KIAA1217: variants seen among roughly 807,000 people sequenced by gnomAD.
KIAA1217 encodes KIAA1217.
A neutral mutation model predicts 163.9 loss-of-function variants in KIAA1217; 88 were observed. The observed-to-expected ratio is 0.54, with a 90% CI of 0.45 to 0.64. The LOEUF is 0.64. Ranked by LOEUF, KIAA1217 falls within the 30% of genes least tolerant of loss-of-function variation. The pLI is 0.00. For missense variants in KIAA1217, 2,372 were observed against 2,475.0 expected (o/e 0.96, Z 0.88); for synonymous variants, 903 against 923.1 (o/e 0.98, Z 0.39).
intron 2 of KIAA1217, among the ~76,000 whole-genome samples, chr10:24,035,972 G>A (rs968131754): frequency 1.1e-4 from 16 of 152,214 alleles, no homozygotes; most frequent in African/African-American, 3.6e-4. Flanking sequence ...AACCACTGGT[G>A]TCAAATCCTG....
intron 2 of KIAA1217, among the ~76,000 whole-genome samples, chr10:24,258,393 A>G (rs1241001861): frequency 3.3e-5 from 5 of 152,094 alleles, no homozygotes; most frequent in Non-Finnish European, 7.4e-5. Context: ...ATCTGAGGCT[A>G]ATAGTTGGAG....
rs370059166 is a variant in KIAA1217, at chr10:24,223,254, C to T, written c.354+3345C>T. ...TAAGATGGAGTTGCTCTGGTTCAAA[C>T]GCCCCTAACACTGTCATTGCCCTTC... On this transcript the variant is annotated intron_variant, in intron 2 of 20. Transcript: ENST00000376454. 7.8e-4 allele frequency among the ~76,000 whole-genome samples: 119 copies of T among 152,316 alleles called. 1 individual carries two copies. The South Asian group carries it at 0.014, about 18-fold the overall frequency.
chr10:24,542,879 T>C lies in KIAA1217; in HGVS notation c.3613-4T>C. 1 of 1,609,832 alleles carries C rather than the reference T, an allele frequency of 6.2e-7. No individual in the cohort carries two copies. Among genetic ancestry groups the C allele is most frequent in the Non-Finnish European group, 8.5e-7 (1 of 1,177,562 alleles). ...TGGTTTCCCTCCTCCGTTCTCCCTC[T>C]CAGGTTACCACAGGGGCTGTAAGAC... On this transcript the variant is annotated splice_region_variant and splice_polypyrimidine_tract_variant and intron_variant, in intron 18 of 20. Coordinates refer to ENST00000376454, the MANE Select transcript of KIAA1217 (RefSeq NM_019590.5).
intron 5 of KIAA1217, among the ~76,000 whole-genome samples, chr10:24,455,857 C>G (rs1450941660): frequency 1.3e-5 from 2 of 151,888 alleles, no homozygotes; most frequent in Non-Finnish European, 2.9e-5. Flanking sequence ...TCAGAATGAT[C>G]AATTAATTTG....
intron 2 of KIAA1217, among the ~76,000 whole-genome samples, chr10:24,026,856 T>G (rs1392665791): frequency 1.3e-5 from 2 of 151,556 alleles, no homozygotes; most frequent in East Asian, 3.9e-4. Flanking sequence ...TCTTATTTTC[T>G]AGCATAAATA....
intron 1 of KIAA1217, among the ~76,000 whole-genome samples, chr10:23,765,583 A>C (rs1430727874): frequency 2.0e-5 from 3 of 152,042 alleles, no homozygotes; most frequent in Non-Finnish European, 4.4e-5. Context: ...CTATATGTGG[A>C]GGGAGGGATA....
At chr10:24,313,991 C>T (rs185293589) in intron 2 of KIAA1217, among the ~76,000 whole-genome samples, 1 of 151,960 alleles carries the variant, frequency 6.6e-6, no homozygotes, top group Non-Finnish European at 1.5e-5. Flanking sequence ...CAGTGCCCAC[C>T]ACCGCGCCCA....
chr10:23,966,764 G>A (rs1035618528), intron 1 of KIAA1217, among the ~76,000 whole-genome samples: 5 of 152,124 alleles, frequency 3.3e-5, no homozygotes, highest in African/African-American at 1.2e-4. Flanking sequence ...CATTCATCCC[G>A]AAGAAAGTAA....
At chr10:23,994,489 C>G (rs1219165977) in intron 1 of KIAA1217, among the ~76,000 whole-genome samples, 5 of 152,166 alleles carry the variant, frequency 3.3e-5, no homozygotes, top group Non-Finnish European at 7.3e-5. Context: ...CCCTTTCTTT[C>G]TACTACCCAG....
At chr10:24,436,617 G>C (rs1317152827) in intron 4 of KIAA1217, among the ~76,000 whole-genome samples, 2 of 151,796 alleles carry the variant, frequency 1.3e-5, no homozygotes. Context: ...AATTAGCCGG[G>C]CGTGGTGGCG....
intron 1 of KIAA1217, among the ~76,000 whole-genome samples, chr10:23,829,921 G>T (rs369015830): frequency 6.6e-6 from 1 of 152,182 alleles, no homozygotes; most frequent in African/African-American, 2.4e-5. Flanking sequence ...GAAGAAAAAT[G>T]GTAGGGCTTA....
intron 3 of KIAA1217, among the ~76,000 whole-genome samples, chr10:24,407,214 G>A (rs1220411359): frequency 1.3e-5 from 2 of 152,074 alleles, no homozygotes; most frequent in Non-Finnish European, 2.9e-5. Context: ...CGTTGGTGAT[G>A]ATAACATGGG....
At chr10:23,839,355 T>C (rs1490325728) in intron 1 of KIAA1217, among the ~76,000 whole-genome samples, 1 of 152,188 alleles carries the variant, frequency 6.6e-6, no homozygotes, top group African/African-American at 2.4e-5. Flanking sequence ...ACATTTCTCT[T>C]TTTTGGGTGG....
At chr10:23,766,587 C>G (rs7086511) in intron 1 of KIAA1217, among the ~76,000 whole-genome samples, 2 of 133,758 alleles carry the variant, frequency 1.5e-5, no homozygotes, top group African/African-American at 6.0e-5. Flanking sequence ...TTCTTTCTTT[C>G]TTTTTTCTTT....
intron 9 of KIAA1217, among the ~76,000 whole-genome samples, chr10:24,504,155 G>GA (rs758341667): frequency 8.5e-5 from 13 of 152,094 alleles, no homozygotes; most frequent in Non-Finnish European, 1.8e-4. Flanking sequence ...GCAGCTTTGT[G>GA]AAAAAGAGCA....
In KIAA1217 at chr10:24,544,159, C is replaced by T; in HGVS notation, c.4889C>T (p.Pro1630Leu). 6.2e-7 allele frequency: 1 copy of T among 1,614,126 alleles called. No homozygotes were observed. The highest frequency in any genetic ancestry group is 1.1e-5 in the South Asian group (1 of 91,072). The change falls in exon 19 of 21, where the codon CCT becomes CTT. Residue 1630 changes from proline (P) to leucine (L), a missense_variant. Pro to Leu is a moderately conservative substitution (Grantham distance 98). Around this residue, in one of 3 missense-constraint regions of KIAA1217, gnomAD observed 690 missense variants for 677.5 expected, o/e 1.02. Coordinates refer to ENST00000376454, the MANE Select transcript of KIAA1217 (RefSeq NM_019590.5). ...AKRFEIARSQ[P>L]EDTPENTVRR... ...CGCTTCGAAATCGCTAGGTCTCAACCTGAAGACACCCCTGAAAACACAGTG... is the reference window on the plus strand; with the variant it reads ...CGCTTCGAAATCGCTAGGTCTCAACTTGAAGACACCCCTGAAAACACAGTG...
chr10:23,816,004 A>T (rs191273749), intron 1 of KIAA1217, among the ~76,000 whole-genome samples: 2 of 152,262 alleles, frequency 1.3e-5, no homozygotes, highest in Admixed American at 1.3e-4. Context: ...GTTACATTGA[A>T]ATTAATAAAA....
intron 3 of KIAA1217, among the ~76,000 whole-genome samples, chr10:24,408,931 A>G (rs7096689): frequency 0.092 from 13,946 of 152,276 alleles, 1,454 homozygotes; most frequent in African/African-American, 0.25. Flanking sequence ...GTGGTCCATG[A>G]CAGCAACTAT....
At chr10:24,078,354 C>A (rs1176081853) in intron 2 of KIAA1217, among the ~76,000 whole-genome samples, 1 of 152,126 alleles carries the variant, frequency 6.6e-6, no homozygotes, top group African/African-American at 2.4e-5. Context: ...AGTCAGGTAC[C>A]TGGAGAAAGA....
Sources: allele counts gnomAD v4.1 joint callset (sites outside exome capture counted in the v4.1 genomes callset), GRCh38; gene constraint gnomAD v4.1.1; regional missense constraint gnomAD v4.1.1; transcripts MANE v1.5; gene names NCBI Gene and HGNC (gene_info 2026-07-23, HGNC 2026-07-21).